The following FBP2 variants were observed in gnomAD, a reference collection of about 807,000 sequenced individuals.
The protein encoded by FBP2 is fructose-bisphosphatase 2.
Under a neutral mutation model 31.6 loss-of-function variants are expected in FBP2, and 27 were observed. The observed-to-expected ratio is 0.85, with a 90% CI of 0.63 to 1.18. The LOEUF is 1.18. Among genes scored for constraint, FBP2 ranks in the 50% most tolerant of loss-of-function variants. FBP2 has a pLI of 0.00. For synonymous variants in FBP2, 168 were observed against 179.8 expected (o/e 0.93, Z 0.53); for missense variants, 421 against 436.1 (o/e 0.97, Z 0.31).
intron 5 of FBP2, among the ~76,000 whole-genome samples, chr9:94,564,756 C>T (rs781089701): frequency 3.7e-4 from 56 of 152,050 alleles, no homozygotes; most frequent in Non-Finnish European, 7.4e-4. Flanking sequence ...CAGCAAACCC[C>T]CATGACAGGA....
chr9:94,559,668 C>T (rs1268656714), intron 6 of FBP2, among the ~76,000 whole-genome samples: 1 of 152,086 alleles, frequency 6.6e-6, no homozygotes, highest in Non-Finnish European at 1.5e-5. Context: ...TTTCAATGGT[C>T]TTGTCTTTTG....
chr9:94,566,354 AAAACCG>A lies in FBP2; in HGVS notation c.705+910_705+915del, dbSNP rs1332537021. Among the ~76,000 whole-genome samples the A allele has an allele frequency of 7.2e-5, 11 of 152,394 alleles. No individual in the cohort carries two copies. The East Asian group carries it at 1.9e-3, about 27-fold the overall frequency. ...GGAACACCTGGCCCGCCCAGGGTGG[AAAACCG>A]CTTAAAGGCATTCTTAAGCCACAAA... On this transcript the variant is annotated intron_variant, in intron 5 of 6. Transcript: ENST00000375337.
Position 94,561,181 on chromosome 9 carries a change from G to A in FBP2, c.826-2049C>T, listed in dbSNP as rs983960644. Among the ~76,000 whole-genome samples, 16 of 152,104 alleles carry A rather than the reference G, an allele frequency of 1.1e-4. No homozygotes were observed. In the East Asian group the frequency reaches 3.1e-3, roughly 29 times the overall value. ...TCAGATTGTAATCAATTATCCTGTTGAGTCAACTACTTTAATCAAAAAAAG... is the reference window on the plus strand; with the variant it reads ...TCAGATTGTAATCAATTATCCTGTTAAGTCAACTACTTTAATCAAAAAAAG... On this transcript the variant is annotated intron_variant, in intron 6 of 6. Transcript: ENST00000375337.
intron 1 of FBP2, among the ~76,000 whole-genome samples, chr9:94,590,826 GGCGCTGATTGGT>G (rs1827490404): frequency 6.6e-6 from 1 of 152,204 alleles, no homozygotes; most frequent in Admixed American, 6.5e-5. Context: ...GTTTTGTCAG[GGCGCTGATTGGT>G]GCGTTTACAA....
At chr9:94,562,263 T>C (rs1266810819) in intron 6 of FBP2, among the ~76,000 whole-genome samples, 1 of 135,250 alleles carries the variant, frequency 7.4e-6, no homozygotes, top group African/African-American at 2.8e-5. Context: ...TGAGCCTAGA[T>C]GGTGCCACTG....
chr9:94,574,235 A>G (rs539682579), intron 3 of FBP2, among the ~76,000 whole-genome samples: 2 of 152,306 alleles, frequency 1.3e-5, no homozygotes, highest in African/African-American at 4.8e-5. Context: ...TTTGATACAT[A>G]TTGAAAAATT....
Position 94,565,974 on chromosome 9 carries a change from T to G in FBP2, c.705+1296A>C, listed in dbSNP as rs74418004. 7.8e-3 allele frequency among the ~76,000 whole-genome samples: 1,182 copies of G among 152,262 alleles called. 20 individuals carry two copies. The highest frequency in any genetic ancestry group is 0.027 in the African/African-American group (1,133 of 41,544). On this transcript the variant is annotated intron_variant, in intron 5 of 6. Transcript: ENST00000375337. ...CATCCTTGGCCCACATCTGCTTATT[T>G]TGAGAGTGTTCTGAGAAAGCCACAG...
chr9:94,592,471 G>C (rs1827513091), intron 1 of FBP2, among the ~76,000 whole-genome samples: 2 of 152,124 alleles, frequency 1.3e-5, no homozygotes, highest in Non-Finnish European at 1.5e-5. Context: ...TGTTCCTTCA[G>C]CTCCTGAGAG....
chr9:94,591,089 A>G (rs1827495021), intron 1 of FBP2, among the ~76,000 whole-genome samples: 2 of 151,970 alleles, frequency 1.3e-5, no homozygotes, highest in South Asian at 4.2e-4. Flanking sequence ...CACCTAGTGG[A>G]TCCCGCACCG....
At chr9:94,563,489 A>G (rs1827139945) in intron 5 of FBP2, 28 bp from the exon 6 acceptor site, 1 of 1,605,432 alleles carries the variant, frequency 6.2e-7, no homozygotes, top group East Asian at 2.2e-5. Flanking sequence ...AAGAGACAAG[A>G]TCCAGTGGCT....
chr9:94,580,215 C>A (rs575112129), intron 3 of FBP2, among the ~76,000 whole-genome samples: 4 of 152,236 alleles, frequency 2.6e-5, no homozygotes, highest in African/African-American at 9.6e-5. Context: ...AACCATATAA[C>A]GTTCTGTATT....
intron 4 of FBP2, chr9:94,568,728 A>G (rs1160716665): frequency 6.6e-6 from 1 of 152,162 alleles, no homozygotes; most frequent in Non-Finnish European, 1.5e-5. Context: ...TCAATAACAA[A>G]AACAACTAAA....
chr9:94,593,486 C>G, intron 1 of FBP2, 71 bp downstream of exon 1: 1 of 1,453,398 alleles, frequency 6.9e-7, no homozygotes, highest in Non-Finnish European at 9.2e-7. Context: ...CTTGCCAAAG[C>G]ACCTGCAGCT....
intron 5 of FBP2, among the ~76,000 whole-genome samples, chr9:94,566,017 C>G (rs1827184091): frequency 6.6e-6 from 1 of 152,202 alleles, no homozygotes; most frequent in African/African-American, 2.4e-5. Context: ...AGAAAAAGCC[C>G]AGGAAAGTTC....
intron 3 of FBP2, among the ~76,000 whole-genome samples, chr9:94,573,459 A>G (rs1289177824): frequency 6.6e-6 from 1 of 151,982 alleles, no homozygotes; most frequent in Non-Finnish European, 1.5e-5. Flanking sequence ...GGGTCTTGCT[A>G]TGTTGCCCAG....
In FBP2 at chr9:94,559,177, A is replaced by G. The variant is rs368309070; in HGVS notation, c.826-45T>C. The G allele has an allele frequency of 2.8e-5, 43 of 1,560,324 alleles. No homozygotes were observed. The Admixed American group carries it at 5.6e-4, about 20-fold the overall frequency. ...GGTGAGTAAACTCTGCAAGTGGCCA[A>G]ATGTCCCGAGCCATGCCCCTAAAGC... On this transcript the variant is annotated intron_variant, in intron 6 of 6. Coordinates refer to ENST00000375337, the MANE Select transcript of FBP2 (RefSeq NM_003837.4).
intron 4 of FBP2, chr9:94,567,751 A>G (rs1169279700): frequency 4.6e-6 from 1 of 217,610 alleles, no homozygotes; most frequent in African/African-American, 2.3e-5. Context: ...TCTCACCCGC[A>G]GATTAATGTT....
intron 3 of FBP2, among the ~76,000 whole-genome samples, chr9:94,576,063 G>A (rs1827311845): frequency 6.6e-6 from 1 of 152,058 alleles, no homozygotes. Flanking sequence ...TCTTGAGACG[G>A]ACAGACCAAG....
chr9:94,560,754 A>G (rs143934963), intron 6 of FBP2, among the ~76,000 whole-genome samples: 298 of 147,824 alleles, frequency 2.0e-3, no homozygotes, highest in African/African-American at 7.1e-3. Flanking sequence ...TATGTTATAT[A>G]TTTATATAAT....
Sources: gnomAD v4.1 joint callset for allele counts (sites outside exome capture counted in the v4.1 genomes callset) on GRCh38, gnomAD v4.1.1 for gene constraint, MANE v1.5 for transcripts, NCBI Gene and HGNC (gene_info 2026-07-23, HGNC 2026-07-21) for gene names.